C1orf94: variants seen among roughly 807,000 people sequenced by gnomAD.
The protein encoded by C1orf94 is chromosome 1 open reading frame 94.
C1orf94 carries 45 observed loss-of-function variants against 53.6 expected under a neutral mutation model. The observed-to-expected ratio is 0.84, with a 90% confidence interval of 0.66 to 1.08. The LOEUF is 1.08. C1orf94 is among the 50% of genes least tolerant of loss of function. C1orf94 has a pLI of 0.00. For synonymous variants in C1orf94, 304 were observed against 296.1 expected (o/e 1.03, Z -0.27); for missense variants, 762 against 738.9 (o/e 1.03, Z -0.36).
At chr1:34,217,022 G>T (rs1643000049) in intron 6 of C1orf94, among the ~76,000 whole-genome samples, 1 of 152,206 alleles carries the variant, frequency 6.6e-6, no homozygotes, top group South Asian at 2.1e-4. Context: ...AGAGATTGCG[G>T]TGAGTCAAGA....
chr1:34,182,101 A>G (rs1480568977), intron 1 of C1orf94, among the ~76,000 whole-genome samples: 1 of 152,200 alleles, frequency 6.6e-6, no homozygotes, highest in African/African-American at 2.4e-5. Context: ...GGGTGAAGCG[A>G]AAGGAACACT....
At chr1:34,190,935 G>T (rs1642471589) in intron 1 of C1orf94, among the ~76,000 whole-genome samples, 1 of 152,188 alleles carries the variant, frequency 6.6e-6, no homozygotes, top group Non-Finnish European at 1.5e-5. Flanking sequence ...TCAGCTGGGA[G>T]GTTCTTCCGC....
intron 1 of C1orf94, among the ~76,000 whole-genome samples, chr1:34,192,128 C>T (rs1017763063): frequency 3.9e-5 from 6 of 152,030 alleles, no homozygotes; most frequent in South Asian, 4.2e-4. Context: ...AAAGAGAAAG[C>T]GAATAGCACA....
intron 1 of C1orf94, among the ~76,000 whole-genome samples, chr1:34,170,258 T>C (rs551788311): frequency 6.6e-6 from 1 of 152,286 alleles, no homozygotes; most frequent in Non-Finnish European, 1.5e-5. Flanking sequence ...GAAACAAATA[T>C]AAAGAAGAAT....
Position 34,177,624 on chromosome 1 carries a change from A to G in C1orf94, c.-166A>G. ...AGGCAAAAGTCAGGAAAGAGCAAATAAAAACAAATCAAAATAAGCCCTCCC... is the reference window on the plus strand; with the variant it reads ...AGGCAAAAGTCAGGAAAGAGCAAATGAAAACAAATCAAAATAAGCCCTCCC... On this transcript the variant is annotated 5_prime_UTR_variant, in exon 1 of 7. It adds an upstream start codon to the 5' untranslated region. Transcript: ENST00000488417. The G allele has an allele frequency of 1.7e-6, 1 of 599,054 alleles. No individual in the cohort carries two copies. Among genetic ancestry groups the G allele is most frequent in the Non-Finnish European group, 2.8e-6 (1 of 352,734 alleles). 37.1% of individuals were successfully genotyped at this position (599,054 alleles called of 1,614,324 possible). A position where few individuals can be genotyped will look rare whatever the true frequency, so the allele number is the denominator to read the frequency against.
intron 5 of C1orf94, among the ~76,000 whole-genome samples, chr1:34,209,620 C>T (rs550668312): frequency 1.3e-5 from 2 of 152,294 alleles, no homozygotes; most frequent in Admixed American, 6.5e-5. Context: ...GCAAACCGCA[C>T]CTCTGACCTG....
At chr1:34,173,652 C>T (rs1306596745), upstream of C1orf94, among the ~76,000 whole-genome samples, 1 of 152,202 alleles carries the variant, frequency 6.6e-6, no homozygotes, top group Non-Finnish European at 1.5e-5. Flanking sequence ...TGTATTATTT[C>T]ATTATCGTAA....
intron 1 of C1orf94, among the ~76,000 whole-genome samples, chr1:34,186,094 A>G (rs1283972039): frequency 1.3e-5 from 2 of 152,064 alleles, no homozygotes; most frequent in Non-Finnish European, 2.9e-5. Flanking sequence ...TCTTTTTCCC[A>G]CATTCCTCTT....
chr1:34,200,422 T>C (rs1399912294), intron 2 of C1orf94, among the ~76,000 whole-genome samples: 1 of 151,746 alleles, frequency 6.6e-6, no homozygotes, highest in African/African-American at 2.4e-5. Flanking sequence ...AAGGGGTGGA[T>C]GGATGGAAGG....
At chr1:34,192,655 C>T (rs982821197) in intron 1 of C1orf94, among the ~76,000 whole-genome samples, 1 of 151,874 alleles carries the variant, frequency 6.6e-6, no homozygotes, top group East Asian at 1.9e-4. Flanking sequence ...ATGGTACAAA[C>T]GCTGTGAAGA....
chr1:34,197,156 T>C lies in C1orf94; in HGVS notation c.321-69T>C. Reference sequence around the variant, plus strand: ...ATCCATCTCCCTTTTCTGGGGCCTATGTCCTTCTGCAAAGCCACGCCTTGG... The same window carrying C: ...ATCCATCTCCCTTTTCTGGGGCCTACGTCCTTCTGCAAAGCCACGCCTTGG... On this transcript the variant is annotated intron_variant, in intron 1 of 6. Coordinates refer to ENST00000488417, the MANE Select transcript of C1orf94 (RefSeq NM_001134734.2). The surrounding 1 kb of genome is among the most constrained non-coding windows in gnomAD (Gnocchi z 4.1). 2 of 1,371,300 alleles carry C rather than the reference T, an allele frequency of 1.5e-6. No individual in the cohort carries two copies. Among genetic ancestry groups the C allele is most frequent in the Non-Finnish European group, 2.0e-6 (2 of 1,023,332 alleles). 84.9% of individuals were successfully genotyped at this position (1,371,300 alleles called of 1,614,324 possible).
chr1:34,197,921 G>C lies in C1orf94; in HGVS notation c.1009+8G>C. 1 of 1,608,412 alleles carries C rather than the reference G, an allele frequency of 6.2e-7. No homozygotes were observed. Among genetic ancestry groups the C allele is most frequent in the Non-Finnish European group, 8.5e-7 (1 of 1,176,784 alleles). ...AGAGGCACCACTTGATGGGTGAGTG[G>C]GGTTGGAACTGGGGTAGAGTGGGCC... On this transcript the variant is annotated splice_region_variant and intron_variant, in intron 2 of 6. Transcript: ENST00000488417. The surrounding 1 kb of genome is among the most constrained non-coding windows in gnomAD (Gnocchi z 4.1).
At chr1:34,194,719 G>A (rs926257345) in intron 1 of C1orf94, among the ~76,000 whole-genome samples, 3 of 152,274 alleles carry the variant, frequency 2.0e-5, no homozygotes, top group Admixed American at 1.3e-4. Flanking sequence ...TCTGTAAATA[G>A]TATGTATCGC....
rs944024097 is a variant in C1orf94, at chr1:34,194,038, G to T, written c.321-3187G>T. Among the ~76,000 whole-genome samples the T allele has an allele frequency of 2.6e-5, 4 of 152,286 alleles. No homozygotes were observed. The East Asian group carries it at 7.7e-4, about 29-fold the overall frequency. ...GAGACAAGGAGGTGGTTGCAGCTGG[G>T]GGGGACATGAGTGTTTCCTTAAACA... is the stretch of plus-strand genomic sequence containing the variant. On this transcript the variant is annotated intron_variant, in intron 1 of 6. Transcript: ENST00000488417.
chr1:34,177,851 G>T lies in C1orf94; in HGVS notation c.62G>T (p.Arg21Met). 1 of 1,550,860 alleles carries T rather than the reference G, an allele frequency of 6.4e-7. No individual in the cohort carries two copies. Among genetic ancestry groups the T allele is most frequent in the Non-Finnish European group, 8.7e-7 (1 of 1,146,502 alleles). Residue 21 changes from arginine to methionine, a missense_variant, in exon 1 of 7, where the codon AGG becomes ATG. Coordinates refer to ENST00000488417, the MANE Select transcript of C1orf94 (RefSeq NM_001134734.2). The part of the protein sequence containing the change: ...LGGQRGFQKE[R>M]RRMASGNGLP... The stretch of plus-strand genomic sequence containing the variant: ...GGACAGAGGGGCTTCCAGAAAGAGA[G>T]GAGGAGGATGGCCAGCGGGAATGGG...
chr1:34,201,089 A>G (rs1199692981), intron 3 of C1orf94, 57 bp downstream of exon 3: 36 of 1,541,356 alleles, frequency 2.3e-5, no homozygotes, highest in Admixed American at 2.0e-5. Flanking sequence ...TGACCCTCAC[A>G]GGCTTCAGGG....
At chr1:34,192,269 A>T (rs1045683214) in intron 1 of C1orf94, among the ~76,000 whole-genome samples, 8 of 152,164 alleles carry the variant, frequency 5.3e-5, no homozygotes, top group African/African-American at 1.9e-4. Flanking sequence ...CCCCAAGGTG[A>T]TTACTCAAGG....
At chr1:34,170,699 C>T (rs921034926) in intron 1 of C1orf94, among the ~76,000 whole-genome samples, 1 of 148,630 alleles carries the variant, frequency 6.7e-6, no homozygotes, top group African/African-American at 2.6e-5. Flanking sequence ...GAGCCCCACC[C>T]CACCCCTTCC....
upstream of C1orf94, among the ~76,000 whole-genome samples, chr1:34,175,322 A>T (rs1642209706): frequency 6.6e-6 from 1 of 151,974 alleles, no homozygotes; most frequent in Non-Finnish European, 1.5e-5. Context: ...TGGGCAGTGC[A>T]GGGTCGTTGG....
Sources: allele counts gnomAD v4.1 joint callset (sites outside exome capture counted in the v4.1 genomes callset), GRCh38; gene constraint gnomAD v4.1.1; non-coding constraint Gnocchi (gnomAD v3.1); transcripts MANE v1.5; gene names NCBI Gene and HGNC (gene_info 2026-07-23, HGNC 2026-07-21).